Variants in PTPRK observed in about 807,000 individuals in gnomAD.
PTPRK encodes receptor-type tyrosine-protein phosphatase kappa.
Under a neutral mutation model 178.0 loss-of-function variants are expected in PTPRK, and 75 were observed. The ratio of observed to expected loss-of-function variants is 0.42; its 90% CI spans 0.35 to 0.51. The LOEUF (loss-of-function observed/expected upper bound fraction) is 0.51. Ranked by LOEUF, PTPRK falls within the 20% of genes least tolerant of loss-of-function variation. The probability of loss-of-function intolerance (pLI) is 0.02; values close to 1 mark genes in which losing one functional copy is unlikely to be tolerated. For synonymous variants in PTPRK, 637 were observed against 620.6 expected (o/e 1.03, Z -0.39); for missense variants, 1,441 against 1,797.8 (o/e 0.80, Z 3.59).
chr6:128,462,445 G>A (rs1434933023), intron 1 of PTPRK, among the ~76,000 whole-genome samples: 4 of 151,676 alleles, frequency 2.6e-5, no homozygotes, highest in Admixed American at 6.6e-5. Context: ...TATCATACCC[G>A]TGATGTAACT....
intron 1 of PTPRK, among the ~76,000 whole-genome samples, chr6:128,425,696 A>G (rs1844048969): frequency 6.6e-6 from 1 of 152,066 alleles, no homozygotes; most frequent in African/African-American, 2.4e-5. Flanking sequence ...CAGGTCTCTG[A>G]TCCATCCCAT....
In PTPRK at chr6:128,140,261, A is replaced by G. The variant is rs184429220; in HGVS notation, c.1162+44171T>C. On this transcript the variant is annotated intron_variant, in intron 7 of 29. Transcript: ENST00000368226. ...TTACAGTCAGATCAACAAATTAAGG[A>G]GAATGTATTTAAAATCCTATAAGGG... Among the ~76,000 whole-genome samples, 554 of 152,200 alleles carry G rather than the reference A, an allele frequency of 3.6e-3. 10 individuals are homozygous for G. Among genetic ancestry groups the G allele is most frequent in the Non-Finnish European group, 5.9e-4 (40 of 67,972 alleles).
At chr6:128,499,092 G>A (rs1341363150) in intron 1 of PTPRK, among the ~76,000 whole-genome samples, 3 of 152,034 alleles carry the variant, frequency 2.0e-5, no homozygotes, top group African/African-American at 4.8e-5. Flanking sequence ...GTTCATACAG[G>A]TATGTCCAAA....
chr6:128,150,678 T>A (rs1404476461), intron 7 of PTPRK, among the ~76,000 whole-genome samples: 1 of 152,124 alleles, frequency 6.6e-6, no homozygotes, highest in Non-Finnish European at 1.5e-5. Flanking sequence ...CCTTTCCTCC[T>A]GGATATCGCA....
At chr6:128,404,727 G>T (rs953652478) in intron 1 of PTPRK, among the ~76,000 whole-genome samples, 1 of 152,184 alleles carries the variant, frequency 6.6e-6, no homozygotes, top group Non-Finnish European at 1.5e-5. Context: ...AATACCCATA[G>T]AAATGATTTC....
At chr6:128,064,817 A>G (rs1168823621) in intron 12 of PTPRK, 23 bp from the exon 13 acceptor site, 1 of 1,574,898 alleles carries the variant, frequency 6.3e-7, no homozygotes, top group Non-Finnish European at 8.5e-7. Flanking sequence ...AAATGAAAAA[A>G]AAAAGAGTCA....
intron 7 of PTPRK, among the ~76,000 whole-genome samples, chr6:128,183,105 T>A (rs568024806): frequency 6.6e-6 from 1 of 152,164 alleles, no homozygotes; most frequent in East Asian, 1.9e-4. Flanking sequence ...ATGGACTCCA[T>A]AGTTCAATTT....
At chr6:128,419,203 GA>G (rs1377500657) in intron 1 of PTPRK, among the ~76,000 whole-genome samples, 4 of 152,182 alleles carry the variant, frequency 2.6e-5, no homozygotes, top group Non-Finnish European at 5.9e-5. Flanking sequence ...GCCATTATTT[GA>G]AATATTGGAG....
intron 14 of PTPRK, 52 bp from the exon 15 acceptor site, chr6:128,005,296 A>G: frequency 6.4e-7 from 1 of 1,574,728 alleles, no homozygotes; most frequent in Non-Finnish European, 8.7e-7. Context: ...CTTGCAGGAG[A>G]GTTAACACCA....
In PTPRK at chr6:128,189,373, G is replaced by A. The variant is rs7770936; in HGVS notation, c.869-4648C>T. Among the ~76,000 whole-genome samples the A allele has an allele frequency of 3.4e-3, 505 of 150,578 alleles. 5 individuals carry two copies. Among genetic ancestry groups the A allele is most frequent in the African/African-American group, 0.011 (463 of 41,012 alleles). On this transcript the variant is annotated intron_variant, in intron 6 of 29. Transcript: ENST00000368226. ...TCCTGCCTCAGCCTCCCAAATAGCC[G>A]GGACTACAGGTGCATGCCACCACAC...
At chr6:128,202,989 T>A (rs1366613757) in intron 6 of PTPRK, among the ~76,000 whole-genome samples, 1 of 152,088 alleles carries the variant, frequency 6.6e-6, no homozygotes, top group Non-Finnish European at 1.5e-5. Context: ...TTAATGAACA[T>A]CTATGTAAAA....
chr6:128,258,389 T>C (rs1275497619), intron 3 of PTPRK, among the ~76,000 whole-genome samples: 1 of 152,048 alleles, frequency 6.6e-6, no homozygotes, highest in African/African-American at 2.4e-5. Context: ...GGCTAATATC[T>C]CTCCCTTACC....
intron 1 of PTPRK, among the ~76,000 whole-genome samples, chr6:128,419,209 T>A (rs541091524): frequency 6.6e-6 from 1 of 152,232 alleles, no homozygotes; most frequent in African/African-American, 2.4e-5. Context: ...ATTTGAAATA[T>A]TGGAGTCTAC....
In PTPRK at chr6:128,249,733, G is replaced by C. The variant is rs375752260; in HGVS notation, c.496-7131C>G. On this transcript the variant is annotated intron_variant, in intron 3 of 29. Transcript: ENST00000368226. ...GAAGACGATGAGCCTTGAAAGTGGA[G>C]AGAGCAACTCTAAATTATGCTGGTA... is the stretch of plus-strand genomic sequence containing the variant. Among the ~76,000 whole-genome samples, 250 of 152,248 alleles carry C rather than the reference G, an allele frequency of 1.6e-3. 9 individuals are homozygous for C. The South Asian group carries it at 0.051, about 31-fold the overall frequency.
chr6:128,222,613 A>G (rs1038487532), intron 5 of PTPRK, among the ~76,000 whole-genome samples: 2 of 152,166 alleles, frequency 1.3e-5, no homozygotes, highest in African/African-American at 4.8e-5. Flanking sequence ...AGCCCGTGCA[A>G]TTCAGTCTCT....
At chr6:128,246,813 A>G (rs1455399273) in intron 3 of PTPRK, among the ~76,000 whole-genome samples, 3 of 152,178 alleles carry the variant, frequency 2.0e-5, no homozygotes, top group East Asian at 3.8e-4. Context: ...TTTCTAAGCC[A>G]TTTTTACTCC....
At chr6:128,408,185 C>T (rs1271783392) in intron 1 of PTPRK, among the ~76,000 whole-genome samples, 6 of 152,056 alleles carry the variant, frequency 3.9e-5, no homozygotes, top group African/African-American at 1.4e-4. Context: ...GTCAGGAGTT[C>T]GAGACCAGCC....
At position 128,519,036 on chromosome 6, in the gene PTPRK, G is replaced by A. The variant is rs1380851795; in HGVS notation, c.100+1223C>T. The A allele has an allele frequency of 1.9e-6, 1 of 531,280 alleles. No individual in the cohort carries two copies. Among genetic ancestry groups the A allele is most frequent in the Admixed American group, 1.9e-5 (1 of 51,422 alleles). 32.9% of individuals were successfully genotyped at this position (531,280 alleles called of 1,614,324 possible). Reference sequence around the variant, plus strand: ...TTGCGTCCTGCGGCTTCAGCCAGGAGCGTGGCTGTCGCTTTTCCCGTCTTC... The same window carrying A: ...TTGCGTCCTGCGGCTTCAGCCAGGAACGTGGCTGTCGCTTTTCCCGTCTTC... On this transcript the variant is annotated intron_variant, in intron 1 of 29. Coordinates refer to ENST00000368226, the MANE Select transcript of PTPRK (RefSeq NM_002844.4). This position sits in a 1 kb window ranked among gnomAD's most constrained non-coding sequence, Gnocchi z 4.3.
chr6:128,501,063 A>G (rs1320012353), intron 1 of PTPRK: 1 of 152,240 alleles, frequency 6.6e-6, no homozygotes, highest in Non-Finnish European at 1.5e-5. Flanking sequence ...TTTTTAATAG[A>G]GACAGGGTTT....
Sources: gnomAD v4.1 joint callset for allele counts (sites outside exome capture counted in the v4.1 genomes callset) on GRCh38, gnomAD v4.1.1 for gene constraint, Gnocchi (gnomAD v3.1) non-coding constraint, MANE v1.5 for transcripts, NCBI Gene and HGNC (gene_info 2026-07-23, HGNC 2026-07-21) for gene names.